Variants in AFTPH observed in about 807,000 individuals in gnomAD.
AFTPH encodes aftiphilin protein.
In AFTPH, 7 loss-of-function variants were observed where a neutral mutation model predicts 72.5. The observed-to-expected ratio is 0.10, with a 90% CI of 0.05 to 0.18. The LOEUF (loss-of-function observed/expected upper bound fraction) is 0.18. Among genes scored for constraint, AFTPH ranks in the 10% least tolerant of loss-of-function variants. The probability of loss-of-function intolerance (pLI) is 1.00; values close to 1 mark genes in which losing one functional copy is unlikely to be tolerated. For synonymous variants in AFTPH, 337 were observed against 370.1 expected, an observed-to-expected ratio of 0.91 and a Z score of 1.03; for missense variants, 979 against 1,060.5, an observed-to-expected ratio of 0.92 and a Z score of 1.07.
intron 2 of AFTPH, among the ~76,000 whole-genome samples, chr2:64,559,694 C>T (rs1330226354): frequency 1.3e-5 from 2 of 152,162 alleles, no homozygotes; most frequent in South Asian, 2.1e-4. Context: ...CCCAGAATAA[C>T]ATGTTTTCGC....
At chr2:64,553,719 A>AC (rs1459682334) in intron 2 of AFTPH, among the ~76,000 whole-genome samples, 2 of 141,706 alleles carry the variant, frequency 1.4e-5, no homozygotes, top group Non-Finnish European at 3.1e-5. Flanking sequence ...AAAAAAAAAA[A>AC]CCCACACTTA....
intron 1 of AFTPH, among the ~76,000 whole-genome samples, chr2:64,525,245 G>A (rs994975788): frequency 6.6e-6 from 1 of 152,216 alleles, no homozygotes; most frequent in African/African-American, 2.4e-5. Flanking sequence ...TGAAAAGTTG[G>A]ACCATATTCC....
At chr2:64,567,566 C>A (rs1672160352) in exon 3 of AFTPH, 1 of 1,603,448 alleles carries the variant, frequency 6.2e-7, no homozygotes, top group East Asian at 2.2e-5. Flanking sequence ...ATGCAGACAG[C>A]TTTATTAAAC....
rs559576521 is a variant in AFTPH, at chr2:64,550,771, G to A, written c.-32-672G>A. The stretch of plus-strand genomic sequence containing the variant: ...AACAAGGTCTGTACCTGAGTTAATA[G>A]TATTGTACTGATGTCAGTTTCCTGG... On this transcript the variant is annotated intron_variant, in intron 1 of 8. Coordinates refer to ENST00000238856, the Ensembl canonical transcript of AFTPH. Among the ~76,000 whole-genome samples, 15 of 149,518 alleles carry A rather than the reference G, an allele frequency of 1.0e-4. No individual in the cohort carries two copies. The South Asian group carries it at 3.2e-3, about 32-fold the overall frequency.
chr2:64,592,893 G>A (rs576262725), exon 9 of AFTPH: 1 of 152,744 alleles, frequency 6.5e-6, no homozygotes, highest in Admixed American at 6.5e-5. Flanking sequence ...GGAAAAAAGA[G>A]AGACATGTAG....
At chr2:64,571,478 A>C (rs1454421815) in intron 5 of AFTPH, among the ~76,000 whole-genome samples, 2 of 152,184 alleles carry the variant, frequency 1.3e-5, no homozygotes, top group African/African-American at 4.8e-5. Context: ...GAGCCTGTAT[A>C]ATACATATGG....
chr2:64,569,057 A>G, intron 3 of AFTPH, 35 bp from the exon 4 acceptor site: 1 of 1,613,256 alleles, frequency 6.2e-7, no homozygotes, highest in East Asian at 2.2e-5. Flanking sequence ...TTATTGAGTA[A>G]CCTGTTGTTG....
chr2:64,580,260 C>T (rs1296200099), intron 7 of AFTPH: 1 of 152,664 alleles, frequency 6.6e-6, no homozygotes, highest in Non-Finnish European at 1.5e-5. Context: ...ATTGCTCTTA[C>T]TGCTTGTGCT....
At chr2:64,566,660 ATAGT>A (rs201509046) in intron 2 of AFTPH, among the ~76,000 whole-genome samples, 1,788 of 152,306 alleles carry the variant, frequency 0.012, 46 homozygotes, top group African/African-American at 0.038. Context: ...TGTATCTGAA[ATAGT>A]TAGGAAAATA....
intron 6 of AFTPH, among the ~76,000 whole-genome samples, chr2:64,575,962 C>T (rs976958889): frequency 3.4e-4 from 52 of 151,792 alleles, no homozygotes; most frequent in African/African-American, 1.2e-3. Flanking sequence ...TGGTCTCCAA[C>T]TCCTGACCTC....
intron 7 of AFTPH, among the ~76,000 whole-genome samples, chr2:64,584,829 T>C (rs750128471): frequency 1.2e-4 from 19 of 152,172 alleles, no homozygotes; most frequent in African/African-American, 2.4e-4. Flanking sequence ...ATCTCCTGAC[T>C]TTGTGATCTG....
chr2:64,591,861 A>C (rs2104282931), intron 8 of AFTPH, 27 bp from the exon 10 acceptor site: 1 of 1,612,770 alleles, frequency 6.2e-7, no homozygotes, highest in East Asian at 2.2e-5. Flanking sequence ...ACATTAACAC[A>C]CTTGTCTTTT....
At chr2:64,530,116 A>G (rs1295289889) in intron 1 of AFTPH, among the ~76,000 whole-genome samples, 1 of 152,114 alleles carries the variant, frequency 6.6e-6, no homozygotes, top group Non-Finnish European at 1.5e-5. Context: ...AGATCATGCC[A>G]TTGCACCCCA....
At chr2:64,557,665 A>G (rs1451901157) in intron 2 of AFTPH, among the ~76,000 whole-genome samples, 5 of 152,168 alleles carry the variant, frequency 3.3e-5, no homozygotes, top group Admixed American at 6.5e-5. Flanking sequence ...AACCAGTCCT[A>G]CCTTTTCATC....
intron 5 of AFTPH, among the ~76,000 whole-genome samples, chr2:64,571,263 C>T (rs1672412192): frequency 7.0e-6 from 1 of 142,144 alleles, no homozygotes; most frequent in African/African-American, 3.0e-5. Flanking sequence ...GAGCACCGCC[C>T]CCCACCCCCC....
At chr2:64,584,845 C>G (rs576405441) in intron 7 of AFTPH, among the ~76,000 whole-genome samples, 1 of 152,268 alleles carries the variant, frequency 6.6e-6, no homozygotes, top group South Asian at 2.1e-4. Flanking sequence ...ATCTGCCCGC[C>G]TCGGCCTCCC....
chr2:64,553,074 G>C (rs1300149783), exon 2 of AFTPH: 1 of 1,614,166 alleles, frequency 6.2e-7, no homozygotes, highest in East Asian at 2.2e-5. Flanking sequence ...TGGGCAAGAA[G>C]GTGAGATTGG....
chr2:64,530,453 A>T (rs1376725837), intron 1 of AFTPH, among the ~76,000 whole-genome samples: 3 of 152,190 alleles, frequency 2.0e-5, no homozygotes, highest in Non-Finnish European at 4.4e-5. Context: ...TGTGCTTATT[A>T]TAGAAAATTT....
At chr2:64,558,409 A>G (rs913933443) in intron 2 of AFTPH, among the ~76,000 whole-genome samples, 6 of 152,252 alleles carry the variant, frequency 3.9e-5, no homozygotes, top group Non-Finnish European at 1.5e-5. Context: ...TCACAGAAAC[A>G]TCACTGAACC....
Sources: gnomAD v4.1 joint callset for allele counts (sites outside exome capture counted in the v4.1 genomes callset) on GRCh38, gnomAD v4.1.1 for gene constraint, MANE v1.5 for transcripts, NCBI Gene and HGNC (gene_info 2026-07-23, HGNC 2026-07-21) for gene names.